Variants in CLEC4A observed in about 807,000 individuals in gnomAD.
CLEC4A encodes C-type lectin domain family 4 member A.
A neutral mutation model predicts 32.7 loss-of-function variants in CLEC4A; 27 were observed. The ratio of observed to expected loss-of-function variants is 0.83; its 90% confidence interval spans 0.61 to 1.14. CLEC4A has a LOEUF of 1.14. Among genes scored for constraint, CLEC4A ranks in the 50% most tolerant of loss-of-function variants. The pLI, the probability that CLEC4A is intolerant of heterozygous loss-of-function variation, is 0.00. For missense variants in CLEC4A, 253 were observed against 274.6 expected (o/e 0.92, Z 0.55); for synonymous variants, 89 against 93.7 (o/e 0.95, Z 0.29).
Position 8,135,041 on chromosome 12 carries a change from TA to T in CLEC4A, c.299-543del, listed in dbSNP as rs1565406485. ...CTTTGTCAGATAATTCTAACAATTT[TA>T]TTATCTTTTTTTTTTTTTTTTTTTT... On this transcript the variant is annotated intron_variant, in intron 3 of 5. Coordinates refer to ENST00000229332, the MANE Select transcript of CLEC4A (RefSeq NM_016184.4). Among the ~76,000 whole-genome samples, 78 of 87,298 alleles carry T rather than the reference TA, an allele frequency of 8.9e-4. 3 individuals are homozygous for T. The highest frequency in any genetic ancestry group is 1.2e-3 in the Non-Finnish European group (52 of 43,826). The allele number at this position is 87,298 out of a possible 152,430, so 57.3% of individuals were successfully genotyped here. A position where few individuals can be genotyped will look rare whatever the true frequency, so the allele number is the denominator to read the frequency against.
intron 3 of CLEC4A, among the ~76,000 whole-genome samples, chr12:8,133,500 ATTTT>A (rs35915549): frequency 4.3e-5 from 6 of 138,210 alleles, no homozygotes; most frequent in African/African-American, 1.5e-4. Flanking sequence ...TAAAATTTCC[ATTTT>A]TTTTTTTTTT....
upstream of CLEC4A, chr12:8,121,573 A>T (rs1299990390): frequency 6.6e-6 from 1 of 152,476 alleles, no homozygotes; most frequent in Non-Finnish European, 1.5e-5. Context: ...CTGGAGCCCA[A>T]GCAGAGTGAG....
chr12:8,138,435 A>G lies in CLEC4A; in HGVS notation c.*148A>G. 1.1e-6 allele frequency: 1 copy of G among 930,854 alleles called. No homozygotes were observed. Among genetic ancestry groups the G allele is most frequent in the Non-Finnish European group, 1.6e-6 (1 of 625,500 alleles). 57.7% of individuals were successfully genotyped at this position (930,854 alleles called of 1,614,324 possible). On this transcript the variant is annotated 3_prime_UTR_variant, in exon 6 of 6. Transcript: ENST00000229332. ...TACTTATGAGAGAATTGGTCTGTAC[A>G]TTGACTGATTCACTTTTTCATAAAG...
the CLEC4A span, among the ~76,000 whole-genome samples, chr12:8,117,272 T>C: frequency 6.6e-6 from 1 of 151,646 alleles, no homozygotes; most frequent in African/African-American, 2.4e-5. Context: ...GTGGAATCTC[T>C]CTGTTGCGCA....
the CLEC4A span, among the ~76,000 whole-genome samples, chr12:8,103,512 A>G: frequency 6.7e-6 from 1 of 149,392 alleles, no homozygotes; most frequent in Non-Finnish European, 1.5e-5. Context: ...CAGCCTCCCG[A>G]GTAGCTGGGA....
chr12:8,133,313 A>T (rs912559220), intron 3 of CLEC4A, among the ~76,000 whole-genome samples: 4 of 152,140 alleles, frequency 2.6e-5, no homozygotes, highest in Non-Finnish European at 4.4e-5. Flanking sequence ...AGCCTCCTAA[A>T]GTGCTGGGTT....
chr12:8,124,392 A>G (rs771392692), intron 1 of CLEC4A, among the ~76,000 whole-genome samples: 17 of 152,084 alleles, frequency 1.1e-4, no homozygotes, highest in Non-Finnish European at 2.4e-4. Flanking sequence ...TTGGGTGGAC[A>G]GTGGTGAGGG....
chr12:8,129,490 A>C (rs1029559124), intron 3 of CLEC4A, 128 bp downstream of exon 3: 15 of 692,756 alleles, frequency 2.2e-5, no homozygotes, highest in Non-Finnish European at 3.5e-5. Context: ...TTAAGCTACA[A>C]ATGTACAAAT....
chr12:8,127,616 A>C (rs1180365259), intron 2 of CLEC4A, among the ~76,000 whole-genome samples: 1 of 152,248 alleles, frequency 6.6e-6, no homozygotes, highest in Non-Finnish European at 1.5e-5. Context: ...TGGATAAATG[A>C]GGACAAATTT....
At chr12:8,134,892 T>G (rs1299559200) in intron 3 of CLEC4A, 7 of 1,486,132 alleles carry the variant, frequency 4.7e-6, no homozygotes, top group Non-Finnish European at 6.3e-6. Flanking sequence ...ATCTTGGTTT[T>G]TCTTTATATC....
Position 8,134,974 on chromosome 12 carries a change from T to TTTTTTTTG in CLEC4A, c.299-607_299-606insTTTGTTTT, listed in dbSNP as rs1194837607. The TTTTTTTTG allele has an allele frequency of 2.9e-4, 57 of 199,926 alleles. 7 individuals are homozygous for TTTTTTTTG. Among genetic ancestry groups the TTTTTTTTG allele is most frequent in the East Asian group, 1.0e-3 (7 of 6,720 alleles). The allele number at this position is 199,926 out of a possible 1,614,324, so 12.4% of individuals were successfully genotyped here. A position where few individuals can be genotyped will look rare whatever the true frequency, so the allele number is the denominator to read the frequency against. ...ATGTCTGTATCTTCTTGTTGAAGCG[T>TTTTTTTTG]TTTTGTTTTTTGTTTTTTTTTAATC... is the stretch of plus-strand genomic sequence containing the variant. On this transcript the variant is annotated intron_variant, in intron 3 of 5. Transcript: ENST00000229332.
At chr12:8,103,354 T>C in the CLEC4A span, among the ~76,000 whole-genome samples, 2 of 31,268 alleles carry the variant, frequency 6.4e-5, no homozygotes, top group African/African-American at 8.4e-5. Flanking sequence ...AACTACTAGT[T>C]GTTTCTTTGT....
chr12:8,103,479 C>T, the CLEC4A span, among the ~76,000 whole-genome samples: 6 of 145,608 alleles, frequency 4.1e-5, no homozygotes, highest in South Asian at 2.2e-4. Context: ...CTTTGCCTCC[C>T]GGCTTCACAC....
the CLEC4A span, among the ~76,000 whole-genome samples, chr12:8,112,729 G>T: frequency 6.6e-6 from 1 of 151,970 alleles, no homozygotes; most frequent in Non-Finnish European, 1.5e-5. Context: ...AGTCCTCAGG[G>T]TTATTATCAG....
In CLEC4A at chr12:8,138,264, G is replaced by C; in HGVS notation, c.691G>C (p.Glu231Gln). 6.2e-7 allele frequency: 1 copy of C among 1,614,164 alleles called. No homozygotes were observed. Among genetic ancestry groups the C allele is most frequent in the Non-Finnish European group, 8.5e-7 (1 of 1,180,030 alleles). The stretch of plus-strand genomic sequence containing the variant: ...TCTTGGTCCTCAAAGGTCAGTTTGT[G>C]AGATGATGAAGATCCACTTATGAAC... ...NCLGPQRSVC[E>Q]MMKIHL The change falls in exon 6 of 6, where the codon GAG becomes CAG. Residue 231 changes from glutamate (E) to glutamine (Q), a missense_variant. Physicochemically the swap from Glu to Gln is conservative, Grantham distance 29. Transcript: ENST00000229332.
chr12:8,112,930 TA>T, the CLEC4A span, among the ~76,000 whole-genome samples: 6 of 152,232 alleles, frequency 3.9e-5, no homozygotes, highest in African/African-American at 1.2e-4. Context: ...GTTGAATGAA[TA>T]ATACAGTTAA....
chr12:8,119,946 A>G (rs897720041), upstream of CLEC4A, among the ~76,000 whole-genome samples: 5 of 152,228 alleles, frequency 3.3e-5, no homozygotes, highest in African/African-American at 1.2e-4. Context: ...AACTCAGGAT[A>G]GTGCCATGCT....
In CLEC4A at chr12:8,130,319, GA is replaced by G. The variant is rs539020641; in HGVS notation, c.298+958del. On this transcript the variant is annotated intron_variant, in intron 3 of 5. Transcript: ENST00000229332. ...AACCATGTGATGAAAATGTGATGAT[GA>G]TTTTTTTATGGATGTGAATTATTTA... Among the ~76,000 whole-genome samples, 17 of 151,936 alleles carry G rather than the reference GA, an allele frequency of 1.1e-4. No individual in the cohort carries two copies. The South Asian group carries it at 2.9e-3, about 26-fold the overall frequency.
the CLEC4A span, among the ~76,000 whole-genome samples, chr12:8,104,640 T>C: frequency 7.9e-5 from 12 of 152,308 alleles, no homozygotes; most frequent in South Asian, 2.3e-3. Context: ...GTAAATTGCA[T>C]GTCATGGGGG....
Sources: allele counts gnomAD v4.1 joint callset (sites outside exome capture counted in the v4.1 genomes callset), GRCh38; gene constraint gnomAD v4.1.1; transcripts MANE v1.5; gene names NCBI Gene and HGNC (gene_info 2026-07-23, HGNC 2026-07-21).